FRMD4B: variants seen among roughly 807,000 people sequenced by gnomAD.
FRMD4B encodes the protein FERM domain-containing protein 4B.
In FRMD4B, 74 loss-of-function variants were observed where a neutral mutation model predicts 141.5. The observed-to-expected ratio is 0.52, with a 90% CI of 0.43 to 0.63. The LOEUF (loss-of-function observed/expected upper bound fraction) is 0.63, where lower values mean the gene tolerates loss of function less well. FRMD4B is among the 30% of genes least tolerant of loss of function. The probability of loss-of-function intolerance (pLI) is 0.00; values close to 1 mark genes in which losing one functional copy is unlikely to be tolerated. For missense variants in FRMD4B, 1,366 were observed against 1,253.4 expected (o/e 1.09, Z -1.36); for synonymous variants, 506 against 467.9 (o/e 1.08, Z -1.05).
rs147045132 is a variant in FRMD4B, at chr3:69,215,338, G to C, written c.876+925C>G. 7.5e-3 allele frequency among the ~76,000 whole-genome samples: 684 copies of C among 91,048 alleles called. 9 individuals are homozygous for C. The highest frequency in any genetic ancestry group is 0.026 in the African/African-American group (657 of 25,690). The allele number at this position is 91,048 out of a possible 152,430, so 59.7% of individuals were successfully genotyped here. A position where few individuals can be genotyped will look rare whatever the true frequency, so the allele number is the denominator to read the frequency against. ...GATGGAGTCTCTCTCTGTTGCCCAGGCTGGAGTGCGGTGGCACAATCTTGT... is the reference window on the plus strand; with the variant it reads ...GATGGAGTCTCTCTCTGTTGCCCAGCCTGGAGTGCGGTGGCACAATCTTGT... On this transcript the variant is annotated intron_variant, in intron 11 of 22. Coordinates refer to ENST00000398540, the MANE Select transcript of FRMD4B (RefSeq NM_015123.3).
chr3:69,193,941 A>G lies in FRMD4B; in HGVS notation c.1489-68T>C. On this transcript the variant is annotated intron_variant, in intron 16 of 22. Transcript: ENST00000398540. ...AATCAACTCTTACATGCATTGTGTA[A>G]TAAAACTTCCTGTGCACTTTCTTGA... The G allele has an allele frequency of 4.2e-6, 4 of 960,698 alleles. No individual in the cohort carries two copies. In the Admixed American group the frequency reaches 9.7e-5, roughly 23 times the overall value. The allele number at this position is 960,698 out of a possible 1,614,324, so 59.5% of individuals were successfully genotyped here.
chr3:69,218,461 C>T (rs891249253), intron 9 of FRMD4B, 82 bp from the exon 10 acceptor site: 50 of 642,856 alleles, frequency 7.8e-5, no homozygotes, highest in South Asian at 3.0e-4. Flanking sequence ...AGAAACACCA[C>T]GTTTCTACTT....
chr3:69,354,079 A>G (rs531652849), intron 1 of FRMD4B, among the ~76,000 whole-genome samples: 1 of 152,350 alleles, frequency 6.6e-6, no homozygotes, highest in South Asian at 2.1e-4. Context: ...TGCTACTCAC[A>G]GCCAGTTGAT....
chr3:69,475,319 T>C (rs1434518853), intron 1 of FRMD4B, among the ~76,000 whole-genome samples: 2 of 152,120 alleles, frequency 1.3e-5, no homozygotes, highest in African/African-American at 2.4e-5. Flanking sequence ...ACTCGTCATT[T>C]AGCATTAGGT....
chr3:69,502,413 C>G (rs1399201218), intron 1 of FRMD4B, among the ~76,000 whole-genome samples: 4 of 152,084 alleles, frequency 2.6e-5, no homozygotes, highest in East Asian at 1.9e-4. Context: ...ACAAACCTGA[C>G]AAAAACAAGC....
chr3:69,376,097 A>G (rs1703964329), intron 1 of FRMD4B, among the ~76,000 whole-genome samples: 1 of 152,194 alleles, frequency 6.6e-6, no homozygotes. Context: ...ACACACAAAG[A>G]ATTATATATA....
rs1185657058 is a variant in FRMD4B, at chr3:69,541,493, C to A, written c.-129+713G>T. 2.6e-5 allele frequency among the ~76,000 whole-genome samples: 4 copies of A among 152,224 alleles called. No homozygotes were observed. The East Asian group carries it at 7.7e-4, about 29-fold the overall frequency. ...GGAGAAGATTTAATACACGTCTCAC[C>A]CCTTTTGTGAACAAGAGCAGGCACT... On this transcript the variant is annotated intron_variant, in intron 1 of 5. Coordinates refer to the FRMD4B transcript ENST00000459638.
chr3:69,432,063 C>T (rs1705188433), intron 2 of FRMD4B, among the ~76,000 whole-genome samples: 1 of 152,090 alleles, frequency 6.6e-6, no homozygotes. Context: ...TATTCCATCC[C>T]CCTCTTATTA....
chr3:69,355,197 A>G (rs141166685), intron 1 of FRMD4B, among the ~76,000 whole-genome samples: 1 of 152,328 alleles, frequency 6.6e-6, no homozygotes, highest in African/African-American at 2.4e-5. Context: ...ATGCACATGA[A>G]GAAGCTGAAT....
chr3:69,287,649 T>A (rs1360462637), intron 5 of FRMD4B, 103 bp downstream of exon 5: 1 of 684,494 alleles, frequency 1.5e-6, no homozygotes, highest in East Asian at 2.7e-5. Context: ...GTGGCCTTTT[T>A]TTTTTTCTTA....
chr3:69,448,362 A>G (rs372093284), intron 1 of FRMD4B, among the ~76,000 whole-genome samples: 68 of 152,184 alleles, frequency 4.5e-4, no homozygotes, highest in African/African-American at 1.4e-3. Flanking sequence ...ATATATTTTC[A>G]TTGCTTTTCA....
intron 21 of FRMD4B, among the ~76,000 whole-genome samples, chr3:69,178,999 C>G (rs185335898): frequency 9.2e-4 from 139 of 151,764 alleles, no homozygotes; most frequent in Admixed American, 1.6e-3. Flanking sequence ...CAGGACTAAT[C>G]TGGCAAATAA....
At chr3:69,440,787 A>T (rs1323750446) in intron 1 of FRMD4B, among the ~76,000 whole-genome samples, 1 of 152,186 alleles carries the variant, frequency 6.6e-6, no homozygotes, top group Non-Finnish European at 1.5e-5. Context: ...CAGCCTTGGC[A>T]ACAGAGCAAG....
chr3:69,303,301 C>T (rs1221727310), intron 3 of FRMD4B, among the ~76,000 whole-genome samples: 2 of 131,458 alleles, frequency 1.5e-5, no homozygotes, highest in African/African-American at 5.1e-5. Flanking sequence ...TGTACTCCAG[C>T]CTGGGCAACA....
chr3:69,405,828 A>G (rs1704641166), intron 2 of FRMD4B, among the ~76,000 whole-genome samples: 1 of 152,202 alleles, frequency 6.6e-6, no homozygotes, highest in Non-Finnish European at 1.5e-5. Context: ...TCCAACTGAA[A>G]TTTAAATTTA....
chr3:69,285,412 A>AC (rs1198066502), intron 5 of FRMD4B, among the ~76,000 whole-genome samples: 1 of 151,974 alleles, frequency 6.6e-6, no homozygotes, highest in Non-Finnish European at 1.5e-5. Context: ...AAAAAAAAAA[A>AC]AAACCTGAAG....
intron 4 of FRMD4B, among the ~76,000 whole-genome samples, chr3:69,298,697 G>T (rs1451097367): frequency 1.3e-5 from 2 of 152,136 alleles, no homozygotes; most frequent in Non-Finnish European, 2.9e-5. Context: ...ATGGGCCTGG[G>T]TCCTGGGTCC....
intron 2 of FRMD4B, among the ~76,000 whole-genome samples, chr3:69,394,150 G>A (rs1473063799): frequency 6.6e-6 from 1 of 152,180 alleles, no homozygotes; most frequent in Admixed American, 6.5e-5. Flanking sequence ...CAAGATCAAG[G>A]TGCTGGTCAA....
chr3:69,317,400 G>C (rs1701835776), intron 1 of FRMD4B, among the ~76,000 whole-genome samples: 1 of 152,106 alleles, frequency 6.6e-6, no homozygotes, highest in Admixed American at 6.5e-5. Flanking sequence ...TTTTGTGTGT[G>C]TGGAGAAAAG....
Sources: gnomAD v4.1 joint callset for allele counts (sites outside exome capture counted in the v4.1 genomes callset) on GRCh38, gnomAD v4.1.1 for gene constraint, MANE v1.5 for transcripts, NCBI Gene and HGNC (gene_info 2026-07-23, HGNC 2026-07-21) for gene names.